Variants in PAX3 observed in about 807,000 individuals in gnomAD.
The protein encoded by PAX3 is paired box protein Pax-3.
PAX3 carries 14 observed loss-of-function variants against 51.6 expected under a neutral mutation model. That is an observed-to-expected ratio of 0.27 (90% CI 0.18 to 0.42). The LOEUF is 0.42. PAX3 is among the 10% of genes least tolerant of loss of function. The pLI, the probability that PAX3 is intolerant of heterozygous loss-of-function variation, is 1.00. For synonymous variants in PAX3, 280 were observed against 253.4 expected (o/e 1.11, Z -1.00); for missense variants, 540 against 642.8 (o/e 0.84, Z 1.73).
At chr2:222,298,283 A>G (rs1229224593) in intron 1 of PAX3, 8 of 546,950 alleles carry the variant, frequency 1.5e-5, no homozygotes, top group Non-Finnish European at 2.6e-5. Context: ...AACAACAGGG[A>G]CAAGTCTCCC....
intron 4 of PAX3, among the ~76,000 whole-genome samples, chr2:222,272,665 T>C (rs1419911963): frequency 6.6e-6 from 1 of 152,230 alleles, no homozygotes; most frequent in African/African-American, 2.4e-5. Flanking sequence ...ATTGCCTAAA[T>C]GCGGGATGGC....
At chr2:222,264,015 G>C (rs1693956298) in intron 4 of PAX3, 1 of 152,150 alleles carries the variant, frequency 6.6e-6, no homozygotes. Context: ...GAGGTTTTTG[G>C]AGTGATGGAA....
intron 5 of PAX3, among the ~76,000 whole-genome samples, chr2:222,227,727 TTTAA>T (rs1202684966): frequency 6.9e-6 from 1 of 144,348 alleles, no homozygotes; most frequent in African/African-American, 2.6e-5. Context: ...AATCATCTTT[TTTAA>T]AAAAAAAAAA....
chr2:222,269,219 C>G (rs1452329943), intron 4 of PAX3, among the ~76,000 whole-genome samples: 2 of 152,214 alleles, frequency 1.3e-5, no homozygotes, highest in Non-Finnish European at 2.9e-5. Flanking sequence ...TTCTCTTTGA[C>G]CTTCTCCTGC....
chr2:222,203,517 G>A (rs1273918087), intron 7 of PAX3, among the ~76,000 whole-genome samples: 1 of 152,050 alleles, frequency 6.6e-6, no homozygotes, highest in Non-Finnish European at 1.5e-5. Context: ...AAAGAGGAGA[G>A]GGCAGAAATG....
chr2:222,245,492 G>T lies in PAX3; in HGVS notation c.587-13209C>A, dbSNP rs80053560. ...GGTACCCAACACCAGAAAAACACAA[G>T]AATTTCTTCAGTAGCAGGTTTCTGC... On this transcript the variant is annotated intron_variant, in intron 4 of 8. Transcript: ENST00000392070. Among the ~76,000 whole-genome samples the T allele has an allele frequency of 1.6e-4, 25 of 152,312 alleles. No homozygotes were observed. The East Asian group carries it at 4.8e-3, about 29-fold the overall frequency.
chr2:222,272,346 G>C (rs541182227), intron 4 of PAX3, among the ~76,000 whole-genome samples: 25 of 152,170 alleles, frequency 1.6e-4, no homozygotes, highest in Admixed American at 9.8e-4. Context: ...CAACTAAAGA[G>C]GCTTAAAGGG....
At position 222,221,344 on chromosome 2, in the gene PAX3, C is replaced by G; in HGVS notation, c.836G>C (p.Gly279Ala). ...NRRARWRKQAGANQLMAFNHL... is the reference protein window; with the variant it reads ...NRRARWRKQAAANQLMAFNHL... The stretch of plus-strand genomic sequence containing the variant: ...GTTGAAAGCCATCAGTTGATTGGCC[C>G]CAGCTTGCTTCCTCCATCTTGCACG... The change falls in exon 6 of 9, where the codon GGG becomes GCG. Residue 279 changes from glycine to alanine, a missense_variant. Coordinates refer to ENST00000392070, the MANE Select transcript of PAX3 (RefSeq NM_181458.4). The G allele has an allele frequency of 1.9e-6, 3 of 1,613,986 alleles. No individual in the cohort carries two copies. The highest frequency in any genetic ancestry group is 2.5e-6 in the Non-Finnish European group (3 of 1,179,920).
chr2:222,221,428 A>G (rs1249739650), intron 5 of PAX3, 41 bp from the exon 6 acceptor site: 1 of 1,537,942 alleles, frequency 6.5e-7, no homozygotes, highest in African/African-American at 1.4e-5. Flanking sequence ...CACTGATGAA[A>G]TAATAGTACA....
At position 222,234,958 on chromosome 2, in the gene PAX3, A is replaced by G. The variant is rs1344415257; in HGVS notation, c.587-2675T>C. On this transcript the variant is annotated intron_variant, in intron 4 of 8. Transcript: ENST00000392070. ...AACACTCAATAGCATTTAAAGACTG[A>G]CCAAAAACTTCCTCTGCCCAAGAGA... Among the ~76,000 whole-genome samples the G allele has an allele frequency of 7.2e-5, 11 of 152,298 alleles. No homozygotes were observed. The East Asian group carries it at 1.9e-3, about 27-fold the overall frequency.
At chr2:222,259,217 A>G (rs1315967383) in intron 4 of PAX3, among the ~76,000 whole-genome samples, 1 of 152,240 alleles carries the variant, frequency 6.6e-6, no homozygotes, top group Non-Finnish European at 1.5e-5. Flanking sequence ...CAAAATGAGC[A>G]CACACACGGA....
intron 1 of PAX3, among the ~76,000 whole-genome samples, chr2:222,297,709 C>T (rs1039581197): frequency 2.0e-5 from 3 of 152,204 alleles, no homozygotes; most frequent in Non-Finnish European, 4.4e-5. Flanking sequence ...AAAGAGGGTC[C>T]AGAAAGGAGG....
At chr2:222,223,250 C>G (rs1692267188) in intron 5 of PAX3, among the ~76,000 whole-genome samples, 1 of 152,298 alleles carries the variant, frequency 6.6e-6, no homozygotes, top group South Asian at 2.1e-4. Context: ...GTAAGGAAAG[C>G]TGTTTGAACT....
At chr2:222,268,939 A>T (rs555879861) in intron 4 of PAX3, among the ~76,000 whole-genome samples, 1 of 152,204 alleles carries the variant, frequency 6.6e-6, no homozygotes, top group African/African-American at 2.4e-5. Context: ...CTTTATGTAT[A>T]TATGTTGCAT....
intron 4 of PAX3, among the ~76,000 whole-genome samples, chr2:222,280,039 C>T (rs901207302): frequency 2.0e-5 from 3 of 151,988 alleles, no homozygotes; most frequent in Non-Finnish European, 4.4e-5. Context: ...GGTAAAACCC[C>T]ATCTCTACTA....
chr2:222,265,425 G>A (rs979351084), intron 4 of PAX3, among the ~76,000 whole-genome samples: 20 of 152,272 alleles, frequency 1.3e-4, no homozygotes, highest in South Asian at 2.1e-4. Context: ...AGGCCAAGGC[G>A]GGTGGATCAT....
intron 4 of PAX3, among the ~76,000 whole-genome samples, chr2:222,284,608 T>C (rs1006294057): frequency 1.9e-5 from 1 of 53,968 alleles, no homozygotes; most frequent in Non-Finnish European, 3.2e-5. Flanking sequence ...TGTGTGTCTG[T>C]GTGCGTGTGT....
chr2:222,293,978 A>T (rs569819029), intron 4 of PAX3, 189 bp downstream of exon 4: 1 of 1,526,194 alleles, frequency 6.6e-7, no homozygotes, highest in South Asian at 1.3e-5. Context: ...AGCAGAATAG[A>T]AATGTTTGTT....
chr2:222,263,047 G>C (rs1446582013), intron 4 of PAX3: 7 of 152,202 alleles, frequency 4.6e-5, no homozygotes, highest in African/African-American at 1.7e-4. Flanking sequence ...CAGGACCAAG[G>C]CTAGTCAAAT....
Sources: gnomAD v4.1 joint callset for allele counts (sites outside exome capture counted in the v4.1 genomes callset) on GRCh38, gnomAD v4.1.1 for gene constraint, MANE v1.5 for transcripts, NCBI Gene and HGNC (gene_info 2026-07-23, HGNC 2026-07-21) for gene names.